The following GATA6 variants were observed in gnomAD, a reference collection of about 807,000 sequenced individuals.
GATA6 encodes GATA binding protein 6.
Under a neutral mutation model 48.1 loss-of-function variants are expected in GATA6, and 11 were observed. That is an observed-to-expected ratio of 0.23 (90% CI 0.14 to 0.38). The LOEUF (loss-of-function observed/expected upper bound fraction) is 0.38. Among genes scored for constraint, GATA6 ranks in the 10% least tolerant of loss-of-function variants. The probability of loss-of-function intolerance (pLI) is 1.00; values close to 1 mark genes in which losing one functional copy is unlikely to be tolerated. For synonymous variants in GATA6, 419 were observed against 396.1 expected, an observed-to-expected ratio of 1.06 and a Z score of -0.69; for missense variants, 795 against 850.3, an observed-to-expected ratio of 0.93 and a Z score of 0.81.
chr18:22,182,416 G>A lies in GATA6; in HGVS notation c.1429-341G>A, dbSNP rs148068010. ...CTTGTTGCCCAGGCTGGAGTGCAGT[G>A]GTGCTATCTCGGCTCACTGCAACCT... On this transcript the variant is annotated intron_variant, in intron 4 of 6. Coordinates refer to ENST00000269216, the MANE Select transcript of GATA6 (RefSeq NM_005257.6). Among the ~76,000 whole-genome samples the A allele has an allele frequency of 5.1e-3, 774 of 151,340 alleles. 5 individuals carry two copies. Among genetic ancestry groups the A allele is most frequent in the Middle Eastern group, 0.034 (10 of 294 alleles).
chr18:22,177,744 C>T (rs2033141373), intron 3 of GATA6, among the ~76,000 whole-genome samples: 1 of 152,134 alleles, frequency 6.6e-6, no homozygotes, highest in South Asian at 2.1e-4. Flanking sequence ...TTTGTCCTTT[C>T]CACCTTCTTG....
Position 22,193,076 on chromosome 18 carries a change from C to T in GATA6, c.1621-7580C>T, listed in dbSNP as rs371768642. On this transcript the variant is annotated intron_variant, in intron 6 of 6. Coordinates refer to ENST00000269216, the MANE Select transcript of GATA6 (RefSeq NM_005257.6). ...GGTTGGGGCAGAGTGGGGGAGCAGC[C>T]GGTGAAATTTCCAGTAAGGAATTTG... Among the ~76,000 whole-genome samples, 49 of 152,170 alleles carry T rather than the reference C, an allele frequency of 3.2e-4. 1 individual carries two copies. Among genetic ancestry groups the T allele is most frequent in the African/African-American group, 1.1e-3 (45 of 41,534 alleles).
At chr18:22,199,849 G>A (rs1369138450) in intron 6 of GATA6, among the ~76,000 whole-genome samples, 4 of 147,530 alleles carry the variant, frequency 2.7e-5, no homozygotes, top group African/African-American at 1.0e-4. Context: ...GTTGCACTGA[G>A]CTGAGATCGT....
In GATA6 at chr18:22,183,019, C is replaced by A. The variant is rs774778659; in HGVS notation, c.1596C>A (p.Pro532=). 4 of 1,613,480 alleles carry A rather than the reference C, an allele frequency of 2.5e-6. No homozygotes were observed. Among genetic ancestry groups the A allele is most frequent in the Non-Finnish European group, 3.4e-6 (4 of 1,179,552 alleles). The part of the protein sequence containing the change: ...NSDDCSKNTS[P]TTQPTASGAG... Reference sequence around the variant, plus strand: ...ATGATTGCAGCAAAAATACTTCCCCCACAACACAACCTACAGCCTCAGGGG... The same window carrying A: ...ATGATTGCAGCAAAAATACTTCCCCAACAACACAACCTACAGCCTCAGGGG... Residue 532 remains proline, a synonymous_variant, in exon 6 of 7, where the codon CCC becomes CCA. Coordinates refer to ENST00000269216, the MANE Select transcript of GATA6 (RefSeq NM_005257.6).
intron 6 of GATA6, among the ~76,000 whole-genome samples, chr18:22,199,739 C>T (rs2033432166): frequency 6.6e-6 from 1 of 151,816 alleles, no homozygotes; most frequent in African/African-American, 2.4e-5. Flanking sequence ...CCCGTCTCTA[C>T]TAAAAATACA....
At chr18:22,192,756 G>A (rs917229485) in intron 6 of GATA6, among the ~76,000 whole-genome samples, 4 of 152,164 alleles carry the variant, frequency 2.6e-5, no homozygotes, top group African/African-American at 7.2e-5. Flanking sequence ...TAGAAGATAA[G>A]CTTTTTCTTT....
At chr18:22,177,866 A>G (rs1160443629) in intron 3 of GATA6, among the ~76,000 whole-genome samples, 3 of 151,316 alleles carry the variant, frequency 2.0e-5, no homozygotes. Flanking sequence ...AAATCAGAGA[A>G]CTTTGTAGAA....
At chr18:22,175,956 A>G (rs1158750420) in intron 2 of GATA6, among the ~76,000 whole-genome samples, 1 of 152,220 alleles carries the variant, frequency 6.6e-6, no homozygotes, top group Admixed American at 6.5e-5. Context: ...ACTTACAATA[A>G]GTACCTTTCT....
chr18:22,200,910 G>A lies in GATA6; in HGVS notation c.*87G>A. ...TTTGTGCAGCGGTCCAGACAGTGGC[G>A]ACTGCGCTGACAGAACGTGATTCTC... On this transcript the variant is annotated 3_prime_UTR_variant, in exon 7 of 7. Transcript: ENST00000269216. 1 of 1,329,172 alleles carries A rather than the reference G, an allele frequency of 7.5e-7. No homozygotes were observed. The highest frequency in any genetic ancestry group is 1.0e-6 in the Non-Finnish European group (1 of 960,756). The allele number at this position is 1,329,172 out of a possible 1,614,324, so 82.3% of individuals were successfully genotyped here.
Position 22,184,501 on chromosome 18 carries a change from T to A in GATA6, c.1620+1458T>A, listed in dbSNP as rs571893956. 9.9e-5 allele frequency among the ~76,000 whole-genome samples: 15 copies of A among 152,170 alleles called. No homozygotes were observed. In the East Asian group the frequency reaches 2.1e-3, roughly 22 times the overall value. On this transcript the variant is annotated intron_variant, in intron 6 of 6. Transcript: ENST00000269216. ...AATGAAAAGATTATTTAATAATAAT[T>A]ATTTTTTTTTTGAGGCTGAGTCTTG...
rs573518851 is a variant in GATA6, at chr18:22,177,959, T to G, written c.1302+838T>G. 2.0e-3 allele frequency among the ~76,000 whole-genome samples: 273 copies of G among 133,246 alleles called. 2 individuals carry two copies. Among genetic ancestry groups the G allele is most frequent in the East Asian group, 6.1e-3 (28 of 4,576 alleles). The allele number at this position is 133,246 out of a possible 152,430, so 87.4% of individuals were successfully genotyped here. On this transcript the variant is annotated intron_variant, in intron 3 of 6. Transcript: ENST00000269216. ...ACGTTTTACTGTTTTTTTGTTTTTT[T>G]TTTTTTTTTTTTTTTTTTTGAGACG...
rs778449700 is a variant in GATA6 at position 22,171,119 on chromosome 18, C to T, written c.-26C>T. On this transcript the variant is annotated 5_prime_UTR_variant, in exon 2 of 7. Coordinates refer to ENST00000269216, the MANE Select transcript of GATA6 (RefSeq NM_005257.6). The surrounding 1 kb of genome is among the most constrained non-coding windows in gnomAD (Gnocchi z 7.1). Reference sequence around the variant, plus strand: ...CCACCCCACCTCAGGAGCTAGACGTCAGCTTGGAGCGGCGCCGGACCGTGG... The same window carrying T: ...CCACCCCACCTCAGGAGCTAGACGTTAGCTTGGAGCGGCGCCGGACCGTGG... 71 of 1,595,612 alleles carry T rather than the reference C, an allele frequency of 4.4e-5. No homozygotes were observed. The highest frequency in any genetic ancestry group is 5.9e-5 in the Non-Finnish European group (70 of 1,176,734).
chr18:22,180,677 C>CT (rs201442589), intron 3 of GATA6, among the ~76,000 whole-genome samples: 8,185 of 146,924 alleles, frequency 0.056, 536 homozygotes, highest in African/African-American at 0.16. Context: ...AAATATATTT[C>CT]TTTTTTTTTT....
intron 6 of GATA6, among the ~76,000 whole-genome samples, chr18:22,187,264 T>C (rs2033274400): frequency 1.3e-5 from 2 of 152,160 alleles, no homozygotes; most frequent in African/African-American, 4.8e-5. Context: ...GTTGATCACC[T>C]GAGGTCAGGA....
intron 6 of GATA6, among the ~76,000 whole-genome samples, chr18:22,191,054 T>C (rs1217418096): frequency 7.3e-5 from 11 of 149,900 alleles, no homozygotes; most frequent in African/African-American, 2.7e-4. Flanking sequence ...TGTGTGTGTG[T>C]GTGTGTGTGT....
rs549180461 is a variant in GATA6, at chr18:22,185,007, A to G, written c.1620+1964A>G. On this transcript the variant is annotated intron_variant, in intron 6 of 6. Transcript: ENST00000269216. The surrounding 1 kb of genome is among the most constrained non-coding windows in gnomAD (Gnocchi z 4.3). ...TGAATGATAAATTGCACTGAGGTCG[A>G]TATATACCCAACAATGGGCTTCGGG... 1.6e-4 allele frequency among the ~76,000 whole-genome samples: 24 copies of G among 152,202 alleles called. No individual in the cohort carries two copies. Among genetic ancestry groups the G allele is most frequent in the Non-Finnish European group, 2.5e-4 (17 of 68,040 alleles).
chr18:22,180,688 TTAAA>T (rs2033182438), intron 3 of GATA6, among the ~76,000 whole-genome samples: 1 of 150,082 alleles, frequency 6.7e-6, no homozygotes, highest in South Asian at 2.1e-4. Context: ...TTTTTTTTTT[TTAAA>T]AAAAACTTTT....
intron 6 of GATA6, among the ~76,000 whole-genome samples, chr18:22,184,069 A>G (rs2033231356): frequency 6.6e-6 from 1 of 152,176 alleles, no homozygotes; most frequent in South Asian, 2.1e-4. Flanking sequence ...TGGGACTTGG[A>G]TATCTATCTG....
intron 3 of GATA6, among the ~76,000 whole-genome samples, chr18:22,180,761 T>G (rs1297540196): frequency 3.3e-5 from 5 of 152,146 alleles, no homozygotes; most frequent in African/African-American, 1.2e-4. Flanking sequence ...TTAACGTACT[T>G]TCAAAGTTTC....
Sources: gnomAD v4.1 joint callset for allele counts (sites outside exome capture counted in the v4.1 genomes callset) on GRCh38, gnomAD v4.1.1 for gene constraint, Gnocchi (gnomAD v3.1) non-coding constraint, MANE v1.5 for transcripts, NCBI Gene and HGNC (gene_info 2026-07-23, HGNC 2026-07-21) for gene names.